Variants in MROH9 observed in about 807,000 individuals in gnomAD.
MROH9 encodes the protein maestro heat like repeat family member 9, also known as maestro heat-like repeat-containing protein family member 9.
In MROH9, 92 loss-of-function variants were observed where a neutral mutation model predicts 98.2. That is an observed-to-expected ratio of 0.94 (90% CI 0.79 to 1.11). MROH9 has a LOEUF of 1.11. MROH9 is among the 50% of genes most tolerant of loss of function. MROH9 has a pLI of 0.00. For missense variants in MROH9, 1,057 were observed against 1,014.8 expected, an observed-to-expected ratio of 1.04 and a Z score of -0.57; for synonymous variants, 397 against 368.9, an observed-to-expected ratio of 1.08 and a Z score of -0.87.
At position 171,064,723 on chromosome 1, in the gene MROH9, T is replaced by TA. The variant is rs1654116377; in HGVS notation, c.*384dup. 6.1e-6 allele frequency: 1 copy of TA among 163,784 alleles called. No homozygotes were observed. The highest frequency in any genetic ancestry group is 2.4e-5 in the African/African-American group (1 of 41,570). 10.1% of individuals were successfully genotyped at this position (163,784 alleles called of 1,614,324 possible). A position where few individuals can be genotyped will look rare whatever the true frequency, so the allele number is the denominator to read the frequency against. Reference sequence around the variant, plus strand: ...AGGCAGTGGGGACATTTGGATGATATAGACAAGGTTCCTGATCTCAGGATG... The same window carrying TA: ...AGGCAGTGGGGACATTTGGATGATATAAGACAAGGTTCCTGATCTCAGGATG... On this transcript the variant is annotated 3_prime_UTR_variant, in exon 22 of 22. Transcript: ENST00000367759.
intron 20 of MROH9, among the ~76,000 whole-genome samples, chr1:171,028,260 G>T (rs113181016): frequency 0.091 from 13,837 of 152,098 alleles, 749 homozygotes; most frequent in Middle Eastern, 0.17. Flanking sequence ...GCCAGTTTTC[G>T]CAGCACCATT....
intron 1 of MROH9, among the ~76,000 whole-genome samples, chr1:170,944,574 A>C (rs1344719001): frequency 1.3e-5 from 2 of 148,676 alleles, no homozygotes; most frequent in Non-Finnish European, 3.0e-5. Flanking sequence ...AAATAAAAAG[A>C]CGGAAAAAAG....
chr1:170,969,984 T>A (rs1650378682), intron 7 of MROH9, among the ~76,000 whole-genome samples: 1 of 152,134 alleles, frequency 6.6e-6, no homozygotes, highest in South Asian at 2.1e-4. Flanking sequence ...TCAGCCTACC[T>A]TGGGTCATGT....
At chr1:170,971,998 G>A (rs1571463157) in intron 8 of MROH9, 115 bp downstream of exon 8, 7 of 1,112,340 alleles carry the variant, frequency 6.3e-6, no homozygotes, top group South Asian at 3.2e-5. Flanking sequence ...TGCCCCAAGA[G>A]TCATGGCTAT....
intron 10 of MROH9, among the ~76,000 whole-genome samples, chr1:170,987,305 G>T (rs548443335): frequency 1.3e-5 from 2 of 152,318 alleles, no homozygotes; most frequent in South Asian, 4.1e-4. Context: ...CAATAAAATA[G>T]TATAGCTGTA....
intron 9 of MROH9, 100 bp downstream of exon 9, chr1:170,983,634 C>T (rs1036065965): frequency 6.5e-5 from 47 of 726,128 alleles, no homozygotes; most frequent in Middle Eastern, 2.4e-4. Flanking sequence ...AGTATTTTTT[C>T]GTTTTTTTTT....
rs745924978 is a variant in MROH9, at chr1:171,064,315, A to T, written c.2561A>T (p.Asp854Val). 31 of 1,541,180 alleles carry T rather than the reference A, an allele frequency of 2.0e-5. No individual in the cohort carries two copies. Among genetic ancestry groups the T allele is most frequent in the Non-Finnish European group, 2.5e-5 (29 of 1,144,412 alleles). ...ATAGACAGTCCTACAGACAGTAAAG[A>T]TGTCAAGAATGATAAGGCCTTATAG... ...GQIDSPTDSK[D>V]VKNDKAL is the part of the protein sequence containing the mutation. The change falls in exon 22 of 22, where the codon GAT becomes GTT. Residue 854 changes from aspartate (D) to valine (V), a missense_variant. Asp to Val is a radical substitution (Grantham distance 152). Coordinates refer to ENST00000367759, the MANE Select transcript of MROH9 (RefSeq NM_001163629.2).
At chr1:171,013,399 C>T (rs1156299700) in intron 15 of MROH9, among the ~76,000 whole-genome samples, 3 of 152,198 alleles carry the variant, frequency 2.0e-5, no homozygotes, top group East Asian at 3.9e-4. Context: ...TGCAAGGGAT[C>T]TAGGTTGTAG....
At chr1:171,061,223 A>G (rs1483777754) in intron 20 of MROH9, among the ~76,000 whole-genome samples, 1 of 152,192 alleles carries the variant, frequency 6.6e-6, no homozygotes, top group Non-Finnish European at 1.5e-5. Flanking sequence ...AACAGTATCA[A>G]TTGTTCGGAG....
chr1:170,957,330 TTCAAA>T (rs1649804417), intron 3 of MROH9, among the ~76,000 whole-genome samples: 1 of 152,222 alleles, frequency 6.6e-6, no homozygotes. Flanking sequence ...TTTAACCCAT[TTCAAA>T]TCAACTTTTG....
At chr1:170,998,027 T>C in intron 14 of MROH9, 127 bp from the exon 15 acceptor site, 2 of 703,854 alleles carry the variant, frequency 2.8e-6, no homozygotes, top group Admixed American at 5.9e-5. Context: ...GGACAATTTA[T>C]TTAGGGAATA....
intron 20 of MROH9, among the ~76,000 whole-genome samples, chr1:171,056,128 G>C (rs765720992): frequency 6.6e-6 from 1 of 152,214 alleles, no homozygotes; most frequent in Non-Finnish European, 1.5e-5. Flanking sequence ...CCCCTGGGGA[G>C]AAGGGGTGAC....
intron 15 of MROH9, among the ~76,000 whole-genome samples, chr1:171,004,374 G>A (rs1210360387): frequency 6.6e-6 from 1 of 152,062 alleles, no homozygotes; most frequent in Non-Finnish European, 1.5e-5. Context: ...TCCCTGTGGT[G>A]CCAAGCAGGA....
chr1:170,959,459 C>T lies in MROH9; in HGVS notation c.153-3C>T, dbSNP rs375172064. 12 of 1,585,930 alleles carry T rather than the reference C, an allele frequency of 7.6e-6. No individual in the cohort carries two copies. The highest frequency in any genetic ancestry group is 8.6e-6 in the Non-Finnish European group (10 of 1,169,514). On this transcript the variant is annotated splice_polypyrimidine_tract_variant and splice_region_variant and intron_variant, in intron 4 of 21. Transcript: ENST00000367759. ...ATTAATAATTGCTCCTTTTTCTTGT[C>T]AGCTTTGTGGATCCCTTACTGCAGT...
rs930881641 is a variant in MROH9 at position 170,961,895 on chromosome 1, A to T, written c.294A>T (p.Leu98Phe). 1 of 1,470,496 alleles carries T rather than the reference A, an allele frequency of 6.8e-7. No homozygotes were observed. Among genetic ancestry groups the T allele is most frequent in the African/African-American group, 1.5e-5 (1 of 68,898 alleles). 91.1% of individuals were successfully genotyped at this position (1,470,496 alleles called of 1,614,324 possible). The part of the protein sequence containing the change: ...SYEYIEDMEN[L>F]YHNILNIYEN... ...GCAATGTTTTTGTGTTTCAGAATTT[A>T]TACCACAATATTTTAAATATATATG... Residue 98 changes from leucine to phenylalanine, a missense_variant, in exon 6 of 22, where the codon TTA (leucine) becomes TTT (phenylalanine). By Grantham distance (22) the Leu-to-Phe change is conservative. Transcript: ENST00000367759.
At chr1:171,018,374 T>C (rs1448040869) in intron 17 of MROH9, among the ~76,000 whole-genome samples, 1 of 144,566 alleles carries the variant, frequency 6.9e-6, no homozygotes, top group Non-Finnish European at 1.5e-5. Context: ...AAAAAAAAAG[T>C]CCCCACAAAA....
intron 9 of MROH9, 52 bp downstream of exon 9, chr1:170,983,586 T>C: frequency 9.8e-7 from 1 of 1,018,946 alleles, no homozygotes; most frequent in Non-Finnish European, 1.5e-6. Flanking sequence ...GTATGATTAC[T>C]CTTAGTAACA....
chr1:171,030,275 G>GTC (rs1308562231), intron 20 of MROH9, among the ~76,000 whole-genome samples: 2 of 151,784 alleles, frequency 1.3e-5, no homozygotes, highest in African/African-American at 4.8e-5. Context: ...GGCTTTTCGT[G>GTC]TCTCTATCTA....
intron 20 of MROH9, 107 bp from the exon 21 acceptor site, chr1:171,062,025 T>C: frequency 1.5e-6 from 1 of 683,760 alleles, no homozygotes; most frequent in South Asian, 1.8e-5. Flanking sequence ...AAGGATAATA[T>C]AGAGATGCTT....
Sources: gnomAD v4.1 joint callset for allele counts (sites outside exome capture counted in the v4.1 genomes callset) on GRCh38, gnomAD v4.1.1 for gene constraint, MANE v1.5 for transcripts, NCBI Gene and HGNC (gene_info 2026-07-23, HGNC 2026-07-21) for gene names.